The following CDC42BPA variants were observed in gnomAD, a reference collection of about 807,000 sequenced individuals.
The protein encoded by CDC42BPA is CDC42 binding protein kinase alpha, also known as serine/threonine-protein kinase MRCK alpha.
CDC42BPA carries 80 observed loss-of-function variants against 223.5 expected under a neutral mutation model. The ratio of observed to expected loss-of-function variants is 0.36; its 90% CI spans 0.30 to 0.43. The LOEUF is 0.43. CDC42BPA is among the 20% of genes least tolerant of loss of function. CDC42BPA has a pLI of 1.00. For missense variants in CDC42BPA, 1,743 were observed against 2,099.9 expected (o/e 0.83, Z 3.32); for synonymous variants, 694 against 718.6 (o/e 0.97, Z 0.55).
intron 1 of CDC42BPA, among the ~76,000 whole-genome samples, chr1:227,254,646 T>C (rs928954118): frequency 6.6e-6 from 1 of 152,212 alleles, no homozygotes; most frequent in Admixed American, 6.5e-5. Context: ...GACTGGAGTT[T>C]TTAAAAATTT....
At chr1:227,276,748 T>G (rs537933992) in intron 1 of CDC42BPA, among the ~76,000 whole-genome samples, 1 of 152,246 alleles carries the variant, frequency 6.6e-6, no homozygotes. Context: ...TCTTCTGCCT[T>G]GGGATGCTGT....
intron 22 of CDC42BPA, among the ~76,000 whole-genome samples, chr1:227,050,590 A>T (rs186473739): frequency 4.1e-4 from 62 of 152,348 alleles, no homozygotes; most frequent in African/African-American, 1.5e-3. Context: ...TAGTTGTGGT[A>T]TATGCCACAG....
chr1:227,288,533 T>C (rs1316325596), intron 1 of CDC42BPA, among the ~76,000 whole-genome samples: 2 of 152,084 alleles, frequency 1.3e-5, no homozygotes, highest in African/African-American at 2.4e-5. Flanking sequence ...ACCCCATCTC[T>C]ACTAAAAATA....
At chr1:227,276,739 C>A (rs573799377) in intron 1 of CDC42BPA, among the ~76,000 whole-genome samples, 4 of 152,294 alleles carry the variant, frequency 2.6e-5, no homozygotes, top group South Asian at 2.1e-4. Context: ...AAGAAAAATT[C>A]TTCTGCCTTG....
At chr1:227,231,790 A>C (rs1678025025) in intron 2 of CDC42BPA, among the ~76,000 whole-genome samples, 1 of 152,092 alleles carries the variant, frequency 6.6e-6, no homozygotes, top group African/African-American at 2.4e-5. Context: ...TTCTTTTGAG[A>C]AGTGTCTGTT....
chr1:226,990,245 G>A lies in CDC42BPA; in HGVS notation c.*4023C>T, dbSNP rs368538562. 2.0e-5 allele frequency: 3 copies of A among 152,278 alleles called. No homozygotes were observed. The highest frequency in any genetic ancestry group is 3.9e-4 in the East Asian group (2 of 5,190). 9.4% of individuals were successfully genotyped at this position (152,278 alleles called of 1,614,324 possible). A position where few individuals can be genotyped will look rare whatever the true frequency, so the allele number is the denominator to read the frequency against. ...ATTACACTATCAAATAAAAAGACAA[G>A]TCATTTTGTTTTCATGAGATTTCAA... On this transcript the variant is annotated 3_prime_UTR_variant, in exon 37 of 37. Coordinates refer to ENST00000366766, the MANE Select transcript of CDC42BPA (RefSeq NM_001394014.1).
intron 2 of CDC42BPA, among the ~76,000 whole-genome samples, chr1:227,243,413 C>T (rs1162752349): frequency 6.6e-6 from 1 of 152,070 alleles, no homozygotes; most frequent in Non-Finnish European, 1.5e-5. Flanking sequence ...AGTTTCTTTG[C>T]AATTAAATGT....
At chr1:227,218,808 A>G (rs185926491) in intron 2 of CDC42BPA, among the ~76,000 whole-genome samples, 47 of 152,332 alleles carry the variant, frequency 3.1e-4, no homozygotes, top group Admixed American at 1.9e-3. Flanking sequence ...GTGAGCGACC[A>G]ATTTGTGTTC....
chr1:227,307,878 G>A (rs1171021504), intron 1 of CDC42BPA, among the ~76,000 whole-genome samples: 6 of 152,110 alleles, frequency 3.9e-5, no homozygotes, highest in African/African-American at 1.4e-4. Context: ...GTGCAGATTG[G>A]AGATATATAA....
At chr1:227,005,496 C>T (rs757310798) in intron 34 of CDC42BPA, among the ~76,000 whole-genome samples, 1 of 152,112 alleles carries the variant, frequency 6.6e-6, no homozygotes, top group African/African-American at 2.4e-5. Flanking sequence ...ACAGCTGATA[C>T]GTCCATTTGG....
At chr1:227,179,006 A>T (rs903251593) in intron 5 of CDC42BPA, among the ~76,000 whole-genome samples, 1 of 152,212 alleles carries the variant, frequency 6.6e-6, no homozygotes, top group East Asian at 1.9e-4. Flanking sequence ...GGTTGAGATC[A>T]TATGTCCTGA....
intron 2 of CDC42BPA, among the ~76,000 whole-genome samples, chr1:227,245,427 A>G (rs1680766620): frequency 6.6e-6 from 1 of 151,088 alleles, no homozygotes; most frequent in Admixed American, 6.6e-5. Flanking sequence ...AGTAGCTGGG[A>G]CCACAGGCAC....
chr1:227,144,210 T>C (rs184846781), intron 8 of CDC42BPA, among the ~76,000 whole-genome samples: 3 of 152,230 alleles, frequency 2.0e-5, no homozygotes, highest in Non-Finnish European at 4.4e-5. Flanking sequence ...AACATTAACA[T>C]AAAAATTTTT....
At chr1:227,162,878 G>GTGTGTGTGTGTGTC (rs1463898469) in intron 5 of CDC42BPA, among the ~76,000 whole-genome samples, 1 of 151,754 alleles carries the variant, frequency 6.6e-6, no homozygotes, top group Non-Finnish European at 1.5e-5. Context: ...ATGTGTGTGT[G>GTGTGTGTGTGTGTC]TGTGTGTGTT....
chr1:227,028,044 T>A (rs1164638935), intron 30 of CDC42BPA, among the ~76,000 whole-genome samples: 1 of 150,886 alleles, frequency 6.6e-6, no homozygotes, highest in Admixed American at 6.6e-5. Context: ...TGCTTCAGTG[T>A]AAGAGTTGGA....
intron 34 of CDC42BPA, among the ~76,000 whole-genome samples, chr1:227,009,184 T>C (rs1171916342): frequency 6.6e-6 from 1 of 152,150 alleles, no homozygotes; most frequent in African/African-American, 2.4e-5. Flanking sequence ...TAGGCTGAAG[T>C]AATAAAGGAA....
intron 17 of CDC42BPA, among the ~76,000 whole-genome samples, chr1:227,078,549 G>A (rs1679962975): frequency 6.6e-6 from 1 of 152,070 alleles, no homozygotes; most frequent in African/African-American, 2.4e-5. Context: ...GAAGTCCTCT[G>A]ATGAGCCAAT....
intron 9 of CDC42BPA, 69 bp from the exon 10 acceptor site, chr1:227,139,811 T>C: frequency 9.5e-7 from 1 of 1,050,054 alleles, no homozygotes; most frequent in Non-Finnish European, 1.3e-6. Context: ...GTTAACATTT[T>C]TTAAAAATTG....
intron 2 of CDC42BPA, among the ~76,000 whole-genome samples, chr1:227,227,275 C>G (rs1459670277): frequency 6.6e-6 from 1 of 151,986 alleles, no homozygotes; most frequent in East Asian, 1.9e-4. Flanking sequence ...TAGTAAGGAA[C>G]GTAAGAAACA....
Sources: gnomAD v4.1 joint callset for allele counts (sites outside exome capture counted in the v4.1 genomes callset) on GRCh38, gnomAD v4.1.1 for gene constraint, MANE v1.5 for transcripts, NCBI Gene and HGNC (gene_info 2026-07-23, HGNC 2026-07-21) for gene names.